NUP37: variants seen among roughly 807,000 people sequenced by gnomAD.
The protein encoded by NUP37 is nucleoporin 37, also known as nucleoporin Nup37.
In NUP37, 33 loss-of-function variants were observed where a neutral mutation model predicts 45.4. The observed-to-expected ratio is 0.73, with a 90% CI of 0.55 to 0.97. NUP37 has a LOEUF of 0.97. Ranked by LOEUF, NUP37 falls within the 50% of genes least tolerant of loss-of-function variation. The pLI is 0.00. For missense variants in NUP37, 365 were observed against 389.7 expected (o/e 0.94, Z 0.53); for synonymous variants, 127 against 130.7 (o/e 0.97, Z 0.19).
intron 5 of NUP37, among the ~76,000 whole-genome samples, chr12:102,087,835 G>A (rs562374052): frequency 1.6e-4 from 25 of 152,036 alleles, no homozygotes; most frequent in Non-Finnish European, 3.4e-4. Flanking sequence ...TCTTTCAAAT[G>A]AAGGAAACAG....
intron 2 of NUP37, among the ~76,000 whole-genome samples, chr12:102,113,939 T>A (rs565688442): frequency 1.3e-5 from 2 of 152,232 alleles, no homozygotes; most frequent in Non-Finnish European, 2.9e-5. Flanking sequence ...TTTCTCTGCA[T>A]AATTCAGATA....
intron 3 of NUP37, among the ~76,000 whole-genome samples, chr12:102,101,549 T>TC (rs1303976950): frequency 2.0e-5 from 3 of 152,166 alleles, no homozygotes; most frequent in Non-Finnish European, 4.4e-5. Context: ...CTTAGTTTTT[T>TC]CTATTCCTCC....
chr12:102,118,485 T>A lies in NUP37; in HGVS notation c.34A>T (p.Thr12Ser). Residue 12 changes from threonine (T) to serine (S), a missense_variant, in exon 2 of 10, where the codon ACT (threonine) becomes TCT (serine). Transcript: ENST00000552283. ...KQDASRNAAY[T>S]VDCEDYVHVV... ...TGCACATAATCTTCACAATCCACAG[T>A]GTAGGCAGCATTTCTTGAGGCATCT... The A allele has an allele frequency of 6.2e-7, 1 of 1,611,612 alleles. No homozygotes were observed. Among genetic ancestry groups the A allele is most frequent in the Non-Finnish European group, 8.5e-7 (1 of 1,179,526 alleles).
At chr12:102,077,277 C>T in intron 7 of NUP37, 45 bp downstream of exon 7, 1 of 1,588,782 alleles carries the variant, frequency 6.3e-7, no homozygotes. Context: ...GCAACAGTTA[C>T]TGCCTTTTTT....
At chr12:102,101,171 C>T (rs1054856925) in intron 3 of NUP37, 67 bp from the exon 4 acceptor site, 2 of 763,024 alleles carry the variant, frequency 2.6e-6, no homozygotes, top group South Asian at 1.8e-5. Flanking sequence ...CCCCCTCCCC[C>T]CCATCCTTCC....
At chr12:102,099,259 C>A in intron 4 of NUP37, 59 bp from the exon 5 acceptor site, 1 of 1,178,372 alleles carries the variant, frequency 8.5e-7, no homozygotes, top group South Asian at 1.3e-5. Flanking sequence ...CTACAATATT[C>A]CTACATAATA....
intron 5 of NUP37, among the ~76,000 whole-genome samples, chr12:102,097,187 T>C (rs1460984734): frequency 6.6e-6 from 1 of 152,138 alleles, no homozygotes; most frequent in Admixed American, 6.5e-5. Context: ...CACCTGTTAA[T>C]GCTACATTGG....
chr12:102,105,850 G>A (rs7302337), intron 3 of NUP37, among the ~76,000 whole-genome samples: 41,932 of 143,250 alleles, frequency 0.29, 6,540 homozygotes, highest in East Asian at 0.41. Flanking sequence ...TGACAGAGCG[G>A]GACTCCCTCT....
At chr12:102,085,502 G>C (rs562161608) in intron 6 of NUP37, among the ~76,000 whole-genome samples, 5 of 152,182 alleles carry the variant, frequency 3.3e-5, no homozygotes, top group Admixed American at 1.3e-4. Context: ...TGGAACACCA[G>C]TTTTTACACT....
chr12:102,096,455 A>G (rs1214612870), intron 5 of NUP37, among the ~76,000 whole-genome samples: 3 of 152,178 alleles, frequency 2.0e-5, no homozygotes, highest in Admixed American at 6.5e-5. Context: ...TTCAGGTCAC[A>G]GATTGTTTTA....
intron 5 of NUP37, among the ~76,000 whole-genome samples, chr12:102,095,810 T>C (rs1879787937): frequency 6.6e-6 from 1 of 152,156 alleles, no homozygotes; most frequent in Admixed American, 6.6e-5. Context: ...GTATTACTAC[T>C]AACATGAGCT....
chr12:102,074,504 G>A, intron 9 of NUP37, 37 bp from the exon 10 acceptor site: 1 of 1,197,896 alleles, frequency 8.3e-7, no homozygotes, highest in Non-Finnish European at 1.2e-6. Flanking sequence ...AGCACAGTAA[G>A]TCCCCAAAAT....
In NUP37 at chr12:102,099,126, C is replaced by T; in HGVS notation, c.429G>A (p.Val143=). ...DPKEGQEIAS[V]SDDHTCRIWN... is the part of the protein sequence containing the mutation. ...CATACCTGCAGGTGTGATCGTCACT[C>T]ACACTTGCAATTTCTTGGCCTTCTT... The change falls in exon 5 of 10, where the codon GTG becomes GTA. Residue 143 remains valine, a synonymous_variant. Coordinates refer to ENST00000552283, the MANE Select transcript of NUP37 (RefSeq NM_024057.4). 1 of 1,612,970 alleles carries T rather than the reference C, an allele frequency of 6.2e-7. No individual in the cohort carries two copies. Among genetic ancestry groups the T allele is most frequent in the South Asian group, 1.1e-5 (1 of 91,066 alleles).
At chr12:102,113,342 T>C (rs1343548210) in intron 2 of NUP37, among the ~76,000 whole-genome samples, 1 of 152,134 alleles carries the variant, frequency 6.6e-6, no homozygotes, top group Non-Finnish European at 1.5e-5. Context: ...AATCCTGCCA[T>C]GCAAAATACC....
At chr12:102,095,240 T>TGGA (rs1193902293) in intron 5 of NUP37, among the ~76,000 whole-genome samples, 2 of 152,252 alleles carry the variant, frequency 1.3e-5, no homozygotes, top group African/African-American at 2.4e-5. Context: ...TACCTTCTTT[T>TGGA]GGAGGAGGAG....
intron 5 of NUP37, among the ~76,000 whole-genome samples, chr12:102,088,445 A>G (rs1336531408): frequency 6.6e-6 from 1 of 152,184 alleles, no homozygotes. Flanking sequence ...ATCAAGAAAC[A>G]GAGTATTTCC....
In NUP37 at chr12:102,074,347, A is replaced by G; in HGVS notation, c.*7T>C. 6.4e-7 allele frequency: 1 copy of G among 1,560,418 alleles called. No individual in the cohort carries two copies. Among genetic ancestry groups the G allele is most frequent in the Non-Finnish European group, 8.8e-7 (1 of 1,135,838 alleles). On this transcript the variant is annotated 3_prime_UTR_variant, in exon 10 of 10. Coordinates refer to ENST00000552283, the MANE Select transcript of NUP37 (RefSeq NM_024057.4). Reference sequence around the variant, plus strand: ...AAAGTTTGTGAATCTAAGGTACAGAAAACACTTTATACTTCAGTCACCCAA... The same window carrying G: ...AAAGTTTGTGAATCTAAGGTACAGAGAACACTTTATACTTCAGTCACCCAA...
intron 5 of NUP37, among the ~76,000 whole-genome samples, chr12:102,090,603 A>AG (rs1879621864): frequency 6.6e-6 from 1 of 152,090 alleles, no homozygotes; most frequent in Non-Finnish European, 1.5e-5. Flanking sequence ...AGTTTCTAAA[A>AG]GAAAAAAAAC....
At chr12:102,094,417 A>G (rs1399805202) in intron 5 of NUP37, among the ~76,000 whole-genome samples, 4 of 151,448 alleles carry the variant, frequency 2.6e-5, no homozygotes, top group African/African-American at 2.4e-5. Context: ...TCATTGGCCT[A>G]CCTTCAGAAG....
Sources: allele counts gnomAD v4.1 joint callset (sites outside exome capture counted in the v4.1 genomes callset), GRCh38; gene constraint gnomAD v4.1.1; transcripts MANE v1.5; gene names NCBI Gene and HGNC (gene_info 2026-07-23, HGNC 2026-07-21).